Variants in ANKH observed in about 807,000 individuals in gnomAD.
ANKH encodes ANKH inorganic pyrophosphate transport regulator.
A neutral mutation model predicts 49.0 loss-of-function variants in ANKH; 15 were observed. The ratio of observed to expected loss-of-function variants is 0.31; its 90% CI spans 0.20 to 0.47. ANKH has a LOEUF of 0.47. Ranked by LOEUF, ANKH falls within the 20% of genes least tolerant of loss-of-function variation. The pLI is 1.00. For missense variants in ANKH, 429 were observed against 652.0 expected (o/e 0.66, Z 3.72); for synonymous variants, 273 against 260.0 (o/e 1.05, Z -0.48).
intron 6 of ANKH, among the ~76,000 whole-genome samples, chr5:14,748,348 T>G (rs1355713741): frequency 2.0e-5 from 3 of 152,220 alleles, no homozygotes; most frequent in Non-Finnish European, 4.4e-5. Context: ...GCAGGCACTC[T>G]GGCTGGAGAC....
intron 1 of ANKH, among the ~76,000 whole-genome samples, chr5:14,819,108 G>A (rs984758688): frequency 3.9e-5 from 6 of 152,136 alleles, no homozygotes; most frequent in Non-Finnish European, 8.8e-5. Flanking sequence ...CCCTCGTCTG[G>A]CATGAATGGC....
intron 8 of ANKH, among the ~76,000 whole-genome samples, chr5:14,718,392 A>C (rs1298723331): frequency 6.6e-6 from 1 of 152,172 alleles, no homozygotes; most frequent in East Asian, 1.9e-4. Context: ...ACTACAACTT[A>C]AGAGGAAACA....
intron 1 of ANKH, among the ~76,000 whole-genome samples, chr5:14,783,686 A>G (rs1739884468): frequency 6.6e-6 from 1 of 152,208 alleles, no homozygotes; most frequent in African/African-American, 2.4e-5. Flanking sequence ...AATGATATCC[A>G]TGGTTTATAC....
chr5:14,718,934 C>G (rs1171391888), intron 8 of ANKH, among the ~76,000 whole-genome samples: 1 of 150,958 alleles, frequency 6.6e-6, no homozygotes, highest in East Asian at 1.9e-4. Context: ...AGAGACAGAG[C>G]AGAAGGATGA....
intron 8 of ANKH, among the ~76,000 whole-genome samples, chr5:14,724,809 C>T (rs115614035): frequency 0.026 from 3,898 of 152,218 alleles, 151 homozygotes; most frequent in African/African-American, 0.089. Context: ...TGTGTGTCCT[C>T]GGAGACCACC....
chr5:14,718,385 A>C (rs1357630913), intron 8 of ANKH, among the ~76,000 whole-genome samples: 4 of 152,174 alleles, frequency 2.6e-5, no homozygotes, highest in Non-Finnish European at 4.4e-5. Flanking sequence ...GGAAAAAACT[A>C]CAACTTAAGA....
At chr5:14,789,448 G>A (rs1740087520) in intron 1 of ANKH, among the ~76,000 whole-genome samples, 1 of 140,142 alleles carries the variant, frequency 7.1e-6, no homozygotes, top group Non-Finnish European at 1.6e-5. Context: ...TCTCAGAATG[G>A]TGGTGATAAA....
chr5:14,781,592 A>G (rs1739807534), intron 1 of ANKH, among the ~76,000 whole-genome samples: 1 of 152,216 alleles, frequency 6.6e-6, no homozygotes, highest in African/African-American at 2.4e-5. Flanking sequence ...AATATGCTCC[A>G]TCATGAAAGG....
At chr5:14,841,693 C>T (rs936872881) in intron 1 of ANKH, among the ~76,000 whole-genome samples, 4 of 152,200 alleles carry the variant, frequency 2.6e-5, no homozygotes, top group African/African-American at 9.6e-5. Context: ...ACCCTTTCTG[C>T]CTTGCAAAAC....
At chr5:14,792,975 CATATATATATATAAAAAT>C (rs1561057582) in intron 1 of ANKH, among the ~76,000 whole-genome samples, 1 of 102,782 alleles carries the variant, frequency 9.7e-6, no homozygotes, top group African/African-American at 3.9e-5. Context: ...GAAACTCCAT[CATATATATATATAAAAAT>C]ATATATATAT....
At chr5:14,794,645 T>G (rs1234610670) in intron 1 of ANKH, among the ~76,000 whole-genome samples, 1 of 152,270 alleles carries the variant, frequency 6.6e-6, no homozygotes, top group African/African-American at 2.4e-5. Context: ...AGATCATTTC[T>G]TCCAGTACTG....
At chr5:14,839,402 GT>G (rs1258852203) in intron 1 of ANKH, among the ~76,000 whole-genome samples, 1 of 151,462 alleles carries the variant, frequency 6.6e-6, no homozygotes, top group African/African-American at 2.4e-5. Context: ...CACAGACAGA[GT>G]TTTGGCTCAA....
At chr5:14,786,689 C>T (rs116476105) in intron 1 of ANKH, among the ~76,000 whole-genome samples, 58 of 152,226 alleles carry the variant, frequency 3.8e-4, no homozygotes, top group Middle Eastern at 6.8e-3. Flanking sequence ...CTAGCAAAGA[C>T]GAATAATGGG....
At chr5:14,762,695 C>T (rs1412798392) in intron 2 of ANKH, among the ~76,000 whole-genome samples, 1 of 151,606 alleles carries the variant, frequency 6.6e-6, no homozygotes, top group African/African-American at 2.4e-5. Context: ...GCGACTCCCT[C>T]CCTCCCATGC....
chr5:14,857,088 C>T (rs78207986), intron 1 of ANKH, among the ~76,000 whole-genome samples: 281 of 152,230 alleles, frequency 1.8e-3, no homozygotes, highest in African/African-American at 6.4e-3. Flanking sequence ...CAGTCCCTGC[C>T]CACCCTACGC....
intron 1 of ANKH, among the ~76,000 whole-genome samples, chr5:14,821,425 C>T (rs1372442598): frequency 3.9e-5 from 6 of 152,164 alleles, no homozygotes; most frequent in Non-Finnish European, 5.9e-5. Flanking sequence ...AATGGAATGA[C>T]ATAAAATAGT....
At chr5:14,736,381 C>T (rs1738182682) in intron 8 of ANKH, among the ~76,000 whole-genome samples, 1 of 152,188 alleles carries the variant, frequency 6.6e-6, no homozygotes, top group Admixed American at 6.5e-5. Context: ...CGCCAAAAAT[C>T]AACCGGTGGA....
chr5:14,717,076 C>T (rs1737496694), intron 8 of ANKH: 1 of 486,846 alleles, frequency 2.1e-6, no homozygotes, highest in Non-Finnish European at 3.8e-6. Flanking sequence ...AGATGTGGCT[C>T]CTCCAAGAGT....
intron 8 of ANKH, among the ~76,000 whole-genome samples, chr5:14,723,485 C>T (rs1047751172): frequency 1.3e-5 from 2 of 151,808 alleles, no homozygotes; most frequent in African/African-American, 4.8e-5. Flanking sequence ...AACACAAGAC[C>T]CCATCTCTAC....
Sources: gnomAD v4.1 joint callset for allele counts (sites outside exome capture counted in the v4.1 genomes callset) on GRCh38, gnomAD v4.1.1 for gene constraint, MANE v1.5 for transcripts, NCBI Gene and HGNC (gene_info 2026-07-23, HGNC 2026-07-21) for gene names.